Variants in ITGA9 observed in about 807,000 individuals in gnomAD.
ITGA9 encodes the protein integrin alpha-9.
A neutral mutation model predicts 127.8 loss-of-function variants in ITGA9; 56 were observed. The ratio of observed to expected loss-of-function variants is 0.44; its 90% CI spans 0.35 to 0.55. The LOEUF (loss-of-function observed/expected upper bound fraction) is 0.55, where lower values mean the gene tolerates loss of function less well. Among genes scored for constraint, ITGA9 ranks in the 20% least tolerant of loss-of-function variants. The pLI, the probability that ITGA9 is intolerant of heterozygous loss-of-function variation, is 0.00. For missense variants in ITGA9, 1,196 were observed against 1,347.1 expected (o/e 0.89, Z 1.76); for synonymous variants, 508 against 514.5 (o/e 0.99, Z 0.17).
At chr3:37,679,797 C>T (rs2125660780) in intron 17 of ITGA9, among the ~76,000 whole-genome samples, 1 of 152,224 alleles carries the variant, frequency 6.6e-6, no homozygotes, top group Middle Eastern at 3.4e-3. Flanking sequence ...AAATTATGTG[C>T]CAGGCACTAC....
chr3:37,534,867 C>G (rs554596685), intron 14 of ITGA9, among the ~76,000 whole-genome samples: 1 of 152,310 alleles, frequency 6.6e-6, no homozygotes, highest in Non-Finnish European at 1.5e-5. Flanking sequence ...TGCTTTCTAA[C>G]AACTATTTCT....
At chr3:37,736,139 C>G (rs1330736342) in intron 19 of ITGA9, among the ~76,000 whole-genome samples, 1 of 152,178 alleles carries the variant, frequency 6.6e-6, no homozygotes, top group African/African-American at 2.4e-5. Flanking sequence ...ATGAAGGCCT[C>G]ACCCTCATCT....
At chr3:37,779,608 TAA>T (rs370591960) in intron 24 of ITGA9, among the ~76,000 whole-genome samples, 1 of 147,122 alleles carries the variant, frequency 6.8e-6, no homozygotes, top group African/African-American at 2.5e-5. Context: ...TTTGTGGGTT[TAA>T]AAAAAAAAAC....
rs184742137 is a variant in ITGA9, at chr3:37,691,128, C to A, written c.2067+7113C>A. Among the ~76,000 whole-genome samples the A allele has an allele frequency of 2.1e-3, 324 of 152,244 alleles. 1 individual carries two copies. The highest frequency in any genetic ancestry group is 7.5e-3 in the African/African-American group (312 of 41,540). ...AAAATGCTCTTGGGTGCAGAGATGC[C>A]GTAATATAGCCCCTGGCAGCTGGAA... is the stretch of plus-strand genomic sequence containing the variant. On this transcript the variant is annotated intron_variant, in intron 18 of 27. Coordinates refer to ENST00000264741, the MANE Select transcript of ITGA9 (RefSeq NM_002207.3).
Position 37,651,449 on chromosome 3 carries a change from A to G in ITGA9, c.1840-2265A>G, listed in dbSNP as rs530889623. On this transcript the variant is annotated intron_variant, in intron 16 of 27. Transcript: ENST00000264741. ...CATTTGGCTCCCCATTTGAGTGGTC[A>G]CTCTGTCTCTCAGAGCAATGTGTGG... is the stretch of plus-strand genomic sequence containing the variant. Among the ~76,000 whole-genome samples, 6 of 152,212 alleles carry G rather than the reference A, an allele frequency of 3.9e-5. No homozygotes were observed. In the South Asian group the frequency reaches 1.2e-3, roughly 32 times the overall value.
At chr3:37,606,177 G>T (rs528446049) in intron 15 of ITGA9, among the ~76,000 whole-genome samples, 2 of 152,286 alleles carry the variant, frequency 1.3e-5, no homozygotes, top group East Asian at 3.9e-4. Context: ...GGGTTATTTA[G>T]AATTCATATG....
chr3:37,625,150 G>A (rs1700164407), intron 15 of ITGA9, among the ~76,000 whole-genome samples: 1 of 152,152 alleles, frequency 6.6e-6, no homozygotes, highest in African/African-American at 2.4e-5. Flanking sequence ...TCTGCCTGAT[G>A]TCCTACTGTC....
chr3:37,813,074 GA>G (rs1438661275), intron 27 of ITGA9, among the ~76,000 whole-genome samples: 1 of 152,202 alleles, frequency 6.6e-6, no homozygotes, highest in Non-Finnish European at 1.5e-5. Flanking sequence ...AGTGTAGGGG[GA>G]CTTTGGGTCC....
chr3:37,670,218 G>A (rs981361182), intron 17 of ITGA9, among the ~76,000 whole-genome samples: 18 of 151,800 alleles, frequency 1.2e-4, no homozygotes, highest in African/African-American at 3.9e-4. Flanking sequence ...TGTCAGTCCT[G>A]AGGTGGTAGA....
intron 18 of ITGA9, among the ~76,000 whole-genome samples, chr3:37,725,881 C>A (rs1361055169): frequency 1.5e-4 from 23 of 152,180 alleles, no homozygotes; most frequent in Admixed American, 1.5e-3. Context: ...TATATCTGAG[C>A]CAATAATCAA....
At chr3:37,636,685 A>T (rs572560794) in intron 16 of ITGA9, among the ~76,000 whole-genome samples, 296 of 152,214 alleles carry the variant, frequency 1.9e-3, no homozygotes, top group Non-Finnish European at 3.5e-3. Flanking sequence ...GCTTTTGGTG[A>T]TTTAGACATG....
At chr3:37,536,824 CAG>C (rs1699212433) in intron 14 of ITGA9, among the ~76,000 whole-genome samples, 1 of 152,198 alleles carries the variant, frequency 6.6e-6, no homozygotes, top group African/African-American at 2.4e-5. Context: ...GTTATTTTAA[CAG>C]AGGAAATTTA....
chr3:37,471,782 G>A (rs1404007363), intron 2 of ITGA9, among the ~76,000 whole-genome samples: 2 of 152,190 alleles, frequency 1.3e-5, no homozygotes, highest in African/African-American at 4.8e-5. Context: ...CGCTGGGCAT[G>A]GTGGCTCATG....
chr3:37,631,900 T>C (rs1306375268), intron 16 of ITGA9, among the ~76,000 whole-genome samples: 1 of 152,236 alleles, frequency 6.6e-6, no homozygotes, highest in Non-Finnish European at 1.5e-5. Context: ...AAGTGTTAAA[T>C]AAACTGTTTA....
intron 16 of ITGA9, among the ~76,000 whole-genome samples, chr3:37,634,225 C>A (rs1477135449): frequency 6.6e-6 from 1 of 151,396 alleles, no homozygotes; most frequent in Non-Finnish European, 1.5e-5. Flanking sequence ...AACAAAATTG[C>A]AGTAGTAAGT....
At chr3:37,522,797 A>G (rs1301960068) in intron 11 of ITGA9, among the ~76,000 whole-genome samples, 1 of 151,922 alleles carries the variant, frequency 6.6e-6, no homozygotes, top group Admixed American at 6.6e-5. Context: ...AGTGTGTCCC[A>G]TGGTGAAGTT....
intron 18 of ITGA9, among the ~76,000 whole-genome samples, chr3:37,724,021 G>A (rs1701219502): frequency 6.6e-6 from 1 of 152,174 alleles, no homozygotes; most frequent in South Asian, 2.1e-4. Flanking sequence ...TCTCCCAGGA[G>A]CAGAGGATGG....
At chr3:37,604,624 A>G (rs1411082207) in intron 15 of ITGA9, among the ~76,000 whole-genome samples, 1 of 152,204 alleles carries the variant, frequency 6.6e-6, no homozygotes, top group Admixed American at 6.5e-5. Flanking sequence ...TCACGTGCTT[A>G]GTCTTGAATT....
intron 18 of ITGA9, among the ~76,000 whole-genome samples, chr3:37,712,837 T>G (rs1436983513): frequency 6.6e-6 from 1 of 151,566 alleles, no homozygotes; most frequent in Non-Finnish European, 1.5e-5. Context: ...TGAGGTGGAG[T>G]GGGGAGGGGA....
Sources: allele counts gnomAD v4.1 joint callset (sites outside exome capture counted in the v4.1 genomes callset), GRCh38; gene constraint gnomAD v4.1.1; transcripts MANE v1.5; gene names NCBI Gene and HGNC (gene_info 2026-07-23, HGNC 2026-07-21).